ANXA13: variants seen among roughly 807,000 people sequenced by gnomAD.
The protein encoded by ANXA13 is annexin A13, also known as annexin XIII.
ANXA13 carries 36 observed loss-of-function variants against 46.6 expected under a neutral mutation model. The observed-to-expected ratio is 0.77, with a 90% confidence interval of 0.59 to 1.02. The LOEUF is 1.02. Ranked by LOEUF, ANXA13 falls within the 50% of genes least tolerant of loss-of-function variation. The pLI is 0.00. For synonymous variants in ANXA13, 163 were observed against 152.9 expected (o/e 1.07, Z -0.49); for missense variants, 417 against 396.5 (o/e 1.05, Z -0.44).
At position 123,693,292 on chromosome 8, in the gene ANXA13, C is replaced by G; in HGVS notation, c.547G>C (p.Glu183Gln). 1 of 1,614,092 alleles carries G rather than the reference C, an allele frequency of 6.2e-7. No homozygotes were observed. The highest frequency in any genetic ancestry group is 1.1e-5 in the South Asian group (1 of 91,066). The change falls in exon 8 of 11, where the codon GAA (glutamate) becomes CAA (glutamine). Residue 183 changes from glutamate (E) to glutamine (Q), a missense_variant. Physicochemically the swap from Glu to Gln is conservative, Grantham distance 29. Coordinates refer to ENST00000419625, the MANE Select transcript of ANXA13 (RefSeq NM_004306.4). ...AGCTCATCAGTGCCCCAGCGGCCTT[C>G]CCCTGCCTCAAGGGTCAAATACAAA... is the stretch of plus-strand genomic sequence containing the variant. ...QDAKDLYDAG[E>Q]GRWGTDELAF...
chr8:123,683,148 G>C (rs1813069110), intron 10 of ANXA13, among the ~76,000 whole-genome samples: 2 of 152,110 alleles, frequency 1.3e-5, no homozygotes, highest in Admixed American at 1.3e-4. Flanking sequence ...CCATGGAGGA[G>C]AGAGGCAGAG....
Position 123,690,842 on chromosome 8 carries a change from A to G in ANXA13, c.643-1896T>C, listed in dbSNP as rs528270110. 5.9e-4 allele frequency among the ~76,000 whole-genome samples: 90 copies of G among 152,296 alleles called. No individual in the cohort carries two copies. Among genetic ancestry groups the G allele is most frequent in the African/African-American group, 2.1e-3 (88 of 41,566 alleles). ...CCCTCTGTGCTCTGGCACTGACTAT[A>G]GCAGTTAGAGGGCTGAAGCCTCTGG... On this transcript the variant is annotated intron_variant, in intron 8 of 10. Transcript: ENST00000419625. This position sits in a 1 kb window ranked among gnomAD's most constrained non-coding sequence, Gnocchi z 4.6.
chr8:123,720,490 T>G (rs1185069124), intron 1 of ANXA13, among the ~76,000 whole-genome samples: 2 of 152,096 alleles, frequency 1.3e-5, no homozygotes, highest in Non-Finnish European at 2.9e-5. Context: ...TTTTCAAAAT[T>G]CCTGAAAAAT....
chr8:123,712,752 G>T lies in ANXA13; in HGVS notation c.17C>A (p.Ala6Asp), dbSNP rs906005848. Residue 6 changes from alanine (A) to aspartate (D), a missense_variant and splice_region_variant, in exon 2 of 11, where the codon GCT becomes GAT. Physicochemically the swap from Ala to Asp is moderately radical, Grantham distance 126. Coordinates refer to ENST00000419625, the MANE Select transcript of ANXA13 (RefSeq NM_004306.4). ...AAAACCCTGAGGACTGCTCGCTTTA[G>T]CCTGGAGAAAATAATTGAAAAGGTG... MGNRH[A>D]KASSPQGFDV... 6.2e-7 allele frequency: 1 copy of T among 1,614,034 alleles called. No homozygotes were observed. Among genetic ancestry groups the T allele is most frequent in the Middle Eastern group, 1.6e-4 (1 of 6,062 alleles).
At chr8:123,716,712 G>T (rs1217286031) in intron 1 of ANXA13, among the ~76,000 whole-genome samples, 1 of 152,124 alleles carries the variant, frequency 6.6e-6, no homozygotes, top group African/African-American at 2.4e-5. Flanking sequence ...GTTCCCAGGA[G>T]CTGGGTACCG....
Position 123,697,722 on chromosome 8 carries a change from G to A in ANXA13, c.357+667C>T, listed in dbSNP as rs532484292. On this transcript the variant is annotated intron_variant, in intron 4 of 10. Transcript: ENST00000419625. ...CTGTCATGTGTGGTTGCTGAAGAGG[G>A]AGGGGTCTCTCCTGTGAATTATTTG... 6.6e-5 allele frequency among the ~76,000 whole-genome samples: 10 copies of A among 152,344 alleles called. No homozygotes were observed. In the East Asian group the frequency reaches 1.9e-3, roughly 29 times the overall value.
chr8:123,716,452 A>T, intron 1 of ANXA13, among the ~76,000 whole-genome samples: 1 of 151,816 alleles, frequency 6.6e-6, no homozygotes, highest in South Asian at 2.1e-4. Context: ...CAGTGGCCTG[A>T]CTCCCTGTAG....
intron 2 of ANXA13, among the ~76,000 whole-genome samples, chr8:123,710,173 C>A (rs781375758): frequency 2.6e-5 from 4 of 152,194 alleles, no homozygotes; most frequent in Admixed American, 1.3e-4. Flanking sequence ...TACCATGACA[C>A]CCATTCTAGG....
chr8:123,718,873 A>G (rs1813807226), intron 1 of ANXA13, among the ~76,000 whole-genome samples: 1 of 152,234 alleles, frequency 6.6e-6, no homozygotes, highest in Non-Finnish European at 1.5e-5. Flanking sequence ...CAGATTGCCC[A>G]GGAGGGAGGT....
At chr8:123,710,862 A>G (rs1466044709) in intron 2 of ANXA13, among the ~76,000 whole-genome samples, 1 of 152,226 alleles carries the variant, frequency 6.6e-6, no homozygotes, top group African/African-American at 2.4e-5. Flanking sequence ...CCGTTTCTCA[A>G]TAAATGTAAA....
chr8:123,702,256 G>GTT (rs11410415), intron 3 of ANXA13, among the ~76,000 whole-genome samples: 10 of 151,910 alleles, frequency 6.6e-5, no homozygotes, highest in Admixed American at 3.3e-4. Flanking sequence ...AAAATGGAGA[G>GTT]TTTTTTTGGT....
chr8:123,681,050 C>G lies in ANXA13; in HGVS notation c.*190G>C. ...CTTGCTAAGCCAGAGTTCAAGGTGC[C>G]CTGCCCACGCATCTTAACGTTACTG... On this transcript the variant is annotated 3_prime_UTR_variant, in exon 11 of 11. Transcript: ENST00000419625. The G allele has an allele frequency of 1.6e-6, 1 of 643,602 alleles. No homozygotes were observed. Among genetic ancestry groups the G allele is most frequent in the Non-Finnish European group, 2.5e-6 (1 of 403,912 alleles). 39.9% of individuals were successfully genotyped at this position (643,602 alleles called of 1,614,324 possible). A position where few individuals can be genotyped will look rare whatever the true frequency, so the allele number is the denominator to read the frequency against.
At chr8:123,712,797 C>T in intron 1 of ANXA13, 44 bp from the exon 2 acceptor site, 2 of 1,557,498 alleles carry the variant, frequency 1.3e-6, no homozygotes, top group East Asian at 2.2e-5. Flanking sequence ...TATACGCATT[C>T]CTAAATGATC....
At chr8:123,702,982 G>A (rs1586323048) in intron 2 of ANXA13, among the ~76,000 whole-genome samples, 1 of 152,280 alleles carries the variant, frequency 6.6e-6, no homozygotes, top group East Asian at 1.9e-4. Flanking sequence ...GTGGAAAGAG[G>A]AACGAGTATG....
At chr8:123,707,031 T>C (rs1238290218) in intron 2 of ANXA13, among the ~76,000 whole-genome samples, 1 of 152,258 alleles carries the variant, frequency 6.6e-6, no homozygotes, top group Non-Finnish European at 1.5e-5. Flanking sequence ...TCTCTCATGC[T>C]GCCTGCTCTT....
chr8:123,691,540 T>C lies in ANXA13; in HGVS notation c.642+1657A>G, dbSNP rs115229181. 2.4e-3 allele frequency among the ~76,000 whole-genome samples: 360 copies of C among 152,324 alleles called. 2 individuals carry two copies. The highest frequency in any genetic ancestry group is 8.3e-3 in the African/African-American group (346 of 41,572). ...TGCATGCCAGGGACTAACTGCTTATTTCTGTTAACTCATTTAATCCTTATT... is the reference window on the plus strand; with the variant it reads ...TGCATGCCAGGGACTAACTGCTTATCTCTGTTAACTCATTTAATCCTTATT... On this transcript the variant is annotated intron_variant, in intron 8 of 10. Transcript: ENST00000419625.
chr8:123,706,937 C>T (rs1352861609), intron 2 of ANXA13, among the ~76,000 whole-genome samples: 6 of 152,192 alleles, frequency 3.9e-5, no homozygotes, highest in Non-Finnish European at 8.8e-5. Flanking sequence ...TGGAACACAC[C>T]AATCCTCACC....
chr8:123,729,514 C>T (rs1190940733), intron 1 of ANXA13, among the ~76,000 whole-genome samples: 1 of 152,140 alleles, frequency 6.6e-6, no homozygotes, highest in Admixed American at 6.5e-5. Context: ...AGATTTTCCT[C>T]CCTGATAGGG....
At chr8:123,708,630 T>C (rs1214121934) in intron 2 of ANXA13, among the ~76,000 whole-genome samples, 1 of 152,220 alleles carries the variant, frequency 6.6e-6, no homozygotes, top group African/African-American at 2.4e-5. Context: ...AAGTCACTGC[T>C]TCCCACTTGT....
Sources: gnomAD v4.1 joint callset for allele counts (sites outside exome capture counted in the v4.1 genomes callset) on GRCh38, gnomAD v4.1.1 for gene constraint, Gnocchi (gnomAD v3.1) non-coding constraint, MANE v1.5 for transcripts, NCBI Gene and HGNC (gene_info 2026-07-23, HGNC 2026-07-21) for gene names.